The following NETO1 variants were observed in gnomAD, a reference collection of about 807,000 sequenced individuals.
NETO1 encodes the protein neuropilin and tolloid like 1, also known as neuropilin and tolloid-like protein 1.
A neutral mutation model predicts 61.3 loss-of-function variants in NETO1; 26 were observed. The ratio of observed to expected loss-of-function variants is 0.42; its 90% CI spans 0.31 to 0.59. NETO1 has a LOEUF of 0.59. Ranked by LOEUF, NETO1 falls within the 20% of genes least tolerant of loss-of-function variation. The probability of loss-of-function intolerance (pLI) is 0.12; values close to 1 mark genes in which losing one functional copy is unlikely to be tolerated. For missense variants in NETO1, 531 were observed against 662.8 expected, an observed-to-expected ratio of 0.80 and a Z score of 2.18; for synonymous variants, 225 against 225.8, an observed-to-expected ratio of 1.00 and a Z score of 0.03.
intron 4 of NETO1, among the ~76,000 whole-genome samples, chr18:72,819,317 T>C (rs1251387752): frequency 1.3e-5 from 2 of 152,196 alleles, no homozygotes; most frequent in Non-Finnish European, 2.9e-5. Flanking sequence ...GGTGTATATA[T>C]ATTGATAACA....
At chr18:72,849,128 T>A (rs573679277) in intron 4 of NETO1, among the ~76,000 whole-genome samples, 13 of 152,310 alleles carry the variant, frequency 8.5e-5, no homozygotes, top group African/African-American at 3.1e-4. Flanking sequence ...TCCAGCTCAG[T>A]TTATTCTCTA....
At chr18:72,808,931 C>A (rs2072772834) in intron 4 of NETO1, among the ~76,000 whole-genome samples, 1 of 152,210 alleles carries the variant, frequency 6.6e-6, no homozygotes, top group African/African-American at 2.4e-5. Context: ...TTGCCAGGAG[C>A]CTGGCACGGG....
At chr18:72,797,440 AAAAC>A (rs1164847490) in intron 4 of NETO1, among the ~76,000 whole-genome samples, 2 of 152,234 alleles carry the variant, frequency 1.3e-5, no homozygotes, top group African/African-American at 4.8e-5. Context: ...ATGACCTGCA[AAAAC>A]AAACAAATAA....
chr18:72,839,778 C>T (rs2073864382), intron 4 of NETO1, among the ~76,000 whole-genome samples: 1 of 99,894 alleles, frequency 1.0e-5, no homozygotes, highest in Admixed American at 1.2e-4. Flanking sequence ...TCCAAATTTT[C>T]AAGCATGTTT....
chr18:72,823,054 T>C (rs185186253), intron 4 of NETO1, among the ~76,000 whole-genome samples: 5 of 152,324 alleles, frequency 3.3e-5, no homozygotes, highest in African/African-American at 1.2e-4. Context: ...CTTACATTAC[T>C]TTTACAAGAT....
chr18:72,850,907 T>C (rs1167737449), intron 4 of NETO1, among the ~76,000 whole-genome samples: 1 of 152,288 alleles, frequency 6.6e-6, no homozygotes, highest in South Asian at 2.1e-4. Context: ...TTTTGTAGAT[T>C]AGCCAACAGT....
chr18:72,757,039 T>C (rs1053900611), intron 7 of NETO1, among the ~76,000 whole-genome samples: 2 of 152,176 alleles, frequency 1.3e-5, no homozygotes, highest in Non-Finnish European at 2.9e-5. Context: ...AGCTAACTTT[T>C]GTTTTTACCT....
At chr18:72,773,228 TG>T (rs995719399) in intron 7 of NETO1, among the ~76,000 whole-genome samples, 16 of 152,118 alleles carry the variant, frequency 1.1e-4, no homozygotes, top group African/African-American at 3.4e-4. Flanking sequence ...CAAGGAAGCT[TG>T]GGCATTTTTC....
At chr18:72,752,822 T>C (rs1235878012) in intron 8 of NETO1, among the ~76,000 whole-genome samples, 1 of 152,048 alleles carries the variant, frequency 6.6e-6, no homozygotes, top group Non-Finnish European at 1.5e-5. Flanking sequence ...ATATAAATCA[T>C]ATAAAAATGT....
At chr18:72,756,318 G>A (rs547491618) in intron 7 of NETO1, among the ~76,000 whole-genome samples, 171 bp from the exon 8 acceptor site, 20 of 152,164 alleles carry the variant, frequency 1.3e-4, no homozygotes, top group African/African-American at 4.6e-4. Context: ...ATTATTTCTT[G>A]TGTTACTAAG....
chr18:72,820,398 G>C (rs1028542459), intron 4 of NETO1, among the ~76,000 whole-genome samples: 3 of 152,160 alleles, frequency 2.0e-5, no homozygotes, highest in Admixed American at 6.5e-5. Context: ...GAATATACAA[G>C]TGCGCATTCT....
chr18:72,776,113 G>A (rs950929728), intron 7 of NETO1, among the ~76,000 whole-genome samples: 9 of 152,168 alleles, frequency 5.9e-5, no homozygotes, highest in African/African-American at 2.2e-4. Flanking sequence ...CAAGGGCATG[G>A]CCCTGGCTTT....
At chr18:72,809,811 G>A (rs1437067766) in intron 4 of NETO1, among the ~76,000 whole-genome samples, 1 of 152,198 alleles carries the variant, frequency 6.6e-6, no homozygotes, top group Non-Finnish European at 1.5e-5. Flanking sequence ...AATACCCTCA[G>A]AAAATTTCCT....
At chr18:72,769,618 G>A (rs115622974) in intron 7 of NETO1, among the ~76,000 whole-genome samples, 1,974 of 151,912 alleles carry the variant, frequency 0.013, 46 homozygotes, top group African/African-American at 0.045. Context: ...CAAAAATATC[G>A]TCACCCAAAT....
chr18:72,838,484 A>G (rs1278760216), intron 4 of NETO1, among the ~76,000 whole-genome samples: 1 of 152,192 alleles, frequency 6.6e-6, no homozygotes, highest in Non-Finnish European at 1.5e-5. Context: ...TAACTTATAC[A>G]TTATTGTTAA....
intron 4 of NETO1, among the ~76,000 whole-genome samples, chr18:72,855,992 A>G (rs2074400424): frequency 6.6e-6 from 1 of 152,216 alleles, no homozygotes; most frequent in Non-Finnish European, 1.5e-5. Context: ...GGACTTTGTA[A>G]TACTCAGAAT....
chr18:72,754,190 G>T (rs1441625003), intron 8 of NETO1, among the ~76,000 whole-genome samples: 1 of 151,960 alleles, frequency 6.6e-6, no homozygotes, highest in Non-Finnish European at 1.5e-5. Context: ...GTAAAACAAT[G>T]CATTAAAAAC....
At chr18:72,860,680 A>G (rs983617474) in intron 3 of NETO1, among the ~76,000 whole-genome samples, 1 of 152,194 alleles carries the variant, frequency 6.6e-6, no homozygotes, top group Admixed American at 6.5e-5. Context: ...AAAGGTGAAC[A>G]AATGAGTAAC....
chr18:72,773,438 A>G (rs1222828540), intron 7 of NETO1, among the ~76,000 whole-genome samples: 2 of 152,020 alleles, frequency 1.3e-5, no homozygotes, highest in Non-Finnish European at 1.5e-5. Flanking sequence ...TGACTGTCTC[A>G]AGAGGAGGGG....
Sources: allele counts gnomAD v4.1 joint callset (sites outside exome capture counted in the v4.1 genomes callset), GRCh38; gene constraint gnomAD v4.1.1; transcripts MANE v1.5; gene names NCBI Gene and HGNC (gene_info 2026-07-23, HGNC 2026-07-21).